LDLRAD4: variants seen among roughly 807,000 people sequenced by gnomAD.
LDLRAD4 encodes low-density lipoprotein receptor class A domain-containing protein 4.
In LDLRAD4, 5 loss-of-function variants were observed where a neutral mutation model predicts 17.0. That is an observed-to-expected ratio of 0.29 (90% confidence interval 0.15 to 0.62). The LOEUF is 0.62. LDLRAD4 is among the 20% of genes least tolerant of loss of function. The pLI, the probability that LDLRAD4 is intolerant of heterozygous loss-of-function variation, is 0.84. For missense variants in LDLRAD4, 340 were observed against 424.7 expected (o/e 0.80, Z 1.75); for synonymous variants, 168 against 171.8 (o/e 0.98, Z 0.17).
At chr18:13,458,054 C>T (rs1381076064) in intron 3 of LDLRAD4, among the ~76,000 whole-genome samples, 4 of 152,114 alleles carry the variant, frequency 2.6e-5, no homozygotes, top group South Asian at 4.1e-4. Flanking sequence ...ATGGTGAGTT[C>T]GGTAGGCCAA....
intron 3 of LDLRAD4, among the ~76,000 whole-genome samples, chr18:13,589,372 C>T (rs901664538): frequency 1.2e-4 from 19 of 152,194 alleles, no homozygotes; most frequent in African/African-American, 3.6e-4. Flanking sequence ...CCCCATGGCA[C>T]ACTGAGTTTT....
chr18:13,460,885 A>G (rs1373713822), intron 3 of LDLRAD4: 1 of 152,218 alleles, frequency 6.6e-6, no homozygotes, highest in African/African-American at 2.4e-5. Flanking sequence ...TTCCAACACC[A>G]AATGAATCAG....
At chr18:13,570,381 C>T (rs544588207) in intron 3 of LDLRAD4, among the ~76,000 whole-genome samples, 4 of 152,332 alleles carry the variant, frequency 2.6e-5, no homozygotes, top group South Asian at 2.1e-4. Flanking sequence ...GCCCAGACGC[C>T]GGTCCACACA....
intron 3 of LDLRAD4, among the ~76,000 whole-genome samples, chr18:13,609,682 C>T (rs902260203): frequency 6.6e-6 from 1 of 152,134 alleles, no homozygotes; most frequent in Non-Finnish European, 1.5e-5. Flanking sequence ...TAATTAAGAT[C>T]GGCTCCATGG....
intron 3 of LDLRAD4, among the ~76,000 whole-genome samples, chr18:13,532,154 G>A (rs894573464): frequency 6.6e-6 from 1 of 152,188 alleles, no homozygotes. Context: ...GGCAGCTGCC[G>A]GGCTGTTAAA....
intron 4 of LDLRAD4, among the ~76,000 whole-genome samples, chr18:13,625,452 C>T (rs2041049599): frequency 6.6e-6 from 1 of 152,108 alleles, no homozygotes; most frequent in Non-Finnish European, 1.5e-5. Context: ...CCCCTCGCCT[C>T]CTCTACAGGT....
At chr18:13,283,378 C>G (rs541062917) in intron 1 of LDLRAD4, among the ~76,000 whole-genome samples, 2 of 152,214 alleles carry the variant, frequency 1.3e-5, no homozygotes, top group South Asian at 2.1e-4. Flanking sequence ...ACCCAAGTCA[C>G]CTTTGGATGC....
intron 1 of LDLRAD4, among the ~76,000 whole-genome samples, chr18:13,226,180 C>CTTGTTTTTTTTTT (rs2041781438): frequency 3.8e-5 from 2 of 52,188 alleles, no homozygotes; most frequent in Non-Finnish European, 6.5e-5. Flanking sequence ...CCATGCCTTG[C>CTTGTTTTTTTTTT]TTTTTTTTTT....
At chr18:13,238,336 A>G (rs2042438149) in intron 1 of LDLRAD4, among the ~76,000 whole-genome samples, 3 of 152,196 alleles carry the variant, frequency 2.0e-5, no homozygotes, top group East Asian at 1.9e-4. Flanking sequence ...CCCTTCATGC[A>G]TTGCCTCTTG....
At chr18:13,308,628 T>A (rs2047052033) in intron 1 of LDLRAD4, among the ~76,000 whole-genome samples, 1 of 152,238 alleles carries the variant, frequency 6.6e-6, no homozygotes, top group South Asian at 2.1e-4. Context: ...TATCTAAACA[T>A]AGTTTGAATT....
At chr18:13,625,838 C>T (rs1414035520) in intron 4 of LDLRAD4, among the ~76,000 whole-genome samples, 1 of 138,156 alleles carries the variant, frequency 7.2e-6, no homozygotes, top group African/African-American at 2.8e-5. Context: ...CCCTCCTCCC[C>T]CCACCAGAGC....
chr18:13,339,479 G>T (rs1053901997), intron 1 of LDLRAD4, among the ~76,000 whole-genome samples: 1 of 152,094 alleles, frequency 6.6e-6, no homozygotes, highest in Non-Finnish European at 1.5e-5. Context: ...GGCATTACAG[G>T]CATGAGCCAC....
Position 13,621,292 on chromosome 18 carries a change from G to A in LDLRAD4, c.336+21G>A, listed in dbSNP as rs373156146. On this transcript the variant is annotated intron_variant, in intron 4 of 5. Coordinates refer to ENST00000359446, the Ensembl canonical transcript of LDLRAD4. The surrounding 1 kb of genome is among the most constrained non-coding windows in gnomAD (Gnocchi z 5.5). ...CGCAGGTGAGTACCCTGGCCGCCCCGGCTCCAGAGTCAGGCAGCTGCAAGA... is the reference window on the plus strand; with the variant it reads ...CGCAGGTGAGTACCCTGGCCGCCCCAGCTCCAGAGTCAGGCAGCTGCAAGA... The A allele has an allele frequency of 1.8e-5, 29 of 1,594,940 alleles. No homozygotes were observed. Among genetic ancestry groups the A allele is most frequent in the Admixed American group, 6.7e-5 (4 of 59,954 alleles).
At chr18:13,486,901 C>T (rs1303220515) in intron 3 of LDLRAD4, 1 of 152,168 alleles carries the variant, frequency 6.6e-6, no homozygotes, top group Non-Finnish European at 1.5e-5. Context: ...TCAACGGTTT[C>T]CCATTTCCAC....
chr18:13,256,760 G>A (rs1191494942), intron 1 of LDLRAD4, among the ~76,000 whole-genome samples: 1 of 152,182 alleles, frequency 6.6e-6, no homozygotes, highest in Non-Finnish European at 1.5e-5. Flanking sequence ...GGAAGAGAGA[G>A]CCTCTCTTTC....
chr18:13,447,812 G>C (rs2091518805), intron 3 of LDLRAD4, among the ~76,000 whole-genome samples: 1 of 152,186 alleles, frequency 6.6e-6, no homozygotes, highest in South Asian at 2.1e-4. Context: ...GCTGGGCCGT[G>C]CCAGACAGAT....
At chr18:13,441,473 G>A (rs961264527) in intron 3 of LDLRAD4, among the ~76,000 whole-genome samples, 2 of 152,220 alleles carry the variant, frequency 1.3e-5, no homozygotes, top group Non-Finnish European at 1.5e-5. Flanking sequence ...GGATTGGCTT[G>A]TGTGATCTAT....
At chr18:13,543,900 AGAGATGTCTGT>A (rs1266306286) in intron 3 of LDLRAD4, among the ~76,000 whole-genome samples, 1 of 152,250 alleles carries the variant, frequency 6.6e-6, no homozygotes, top group East Asian at 1.9e-4. Context: ...GATTAGCCAA[AGAGATGTCTGT>A]GAGGGAAACC....
At chr18:13,537,745 T>C (rs1338368524) in intron 3 of LDLRAD4, among the ~76,000 whole-genome samples, 2 of 152,128 alleles carry the variant, frequency 1.3e-5, no homozygotes, top group African/African-American at 4.8e-5. Flanking sequence ...CTGTATTTAA[T>C]AGGATTCATC....
Sources: gnomAD v4.1 joint callset for allele counts (sites outside exome capture counted in the v4.1 genomes callset) on GRCh38, gnomAD v4.1.1 for gene constraint, Gnocchi (gnomAD v3.1) non-coding constraint, MANE v1.5 for transcripts, NCBI Gene and HGNC (gene_info 2026-07-23, HGNC 2026-07-21) for gene names.